RNF20: variants seen among roughly 807,000 people sequenced by gnomAD.
The protein encoded by RNF20 is E3 ubiquitin-protein ligase BRE1A.
RNF20 carries 84 observed loss-of-function variants against 126.2 expected under a neutral mutation model. The ratio of observed to expected loss-of-function variants is 0.67; its 90% CI spans 0.56 to 0.80. The LOEUF (loss-of-function observed/expected upper bound fraction) is 0.80. RNF20 is among the 30% of genes least tolerant of loss of function. RNF20 has a pLI of 0.00. For missense variants in RNF20, 869 were observed against 1,188.2 expected (o/e 0.73, Z 3.95); for synonymous variants, 400 against 414.3 (o/e 0.97, Z 0.42).
Position 101,562,570 on chromosome 9 carries a change from C to G in RNF20, c.*148C>G. 1 of 653,804 alleles carries G rather than the reference C, an allele frequency of 1.5e-6. No homozygotes were observed. Among genetic ancestry groups the G allele is most frequent in the Non-Finnish European group, 2.5e-6 (1 of 402,010 alleles). 40.5% of individuals were successfully genotyped at this position (653,804 alleles called of 1,614,324 possible). A position where few individuals can be genotyped will look rare whatever the true frequency, so the allele number is the denominator to read the frequency against. ...CCAGACTTTACTTCCAGGCTCTCCT[C>G]TTCAGTAGCTGGATGACTTTAGCAG... On this transcript the variant is annotated 3_prime_UTR_variant, in exon 20 of 20. Transcript: ENST00000389120.
At chr9:101,547,362 A>C in intron 8 of RNF20, 37 bp from the exon 9 acceptor site, 1 of 1,612,364 alleles carries the variant, frequency 6.2e-7, no homozygotes, top group South Asian at 1.1e-5. Flanking sequence ...TTTAAGAAGA[A>C]TACTTATTTA....
chr9:101,549,164 C>T (rs369302473), intron 9 of RNF20, among the ~76,000 whole-genome samples: 16 of 152,124 alleles, frequency 1.1e-4, no homozygotes, highest in African/African-American at 3.4e-4. Context: ...CACCAAGTTG[C>T]GGAGACCGGT....
At chr9:101,544,943 T>C (rs1827325563) in intron 6 of RNF20, 58 bp downstream of exon 6, 3 of 1,076,770 alleles carry the variant, frequency 2.8e-6, no homozygotes, top group East Asian at 4.7e-5. Flanking sequence ...GATGTTGACT[T>C]ACAATTCTGA....
intron 18 of RNF20, 117 bp downstream of exon 18, chr9:101,561,347 G>T (rs992630539): frequency 9.2e-7 from 1 of 1,084,652 alleles, no homozygotes; most frequent in Non-Finnish European, 1.3e-6. Context: ...ACTTGAGGAA[G>T]TTTGTTGAGG....
chr9:101,544,781 G>A lies in RNF20; in HGVS notation c.643G>A (p.Glu215Lys). The change falls in exon 6 of 20, where the codon GAG becomes AAG. Residue 215 changes from glutamate to lysine, a missense_variant. Glu to Lys is a moderately conservative substitution (Grantham distance 56). Around this residue, in one of 8 missense-constraint regions of RNF20, gnomAD observed 103 missense variants for 94.3 expected, o/e 1.09. Transcript: ENST00000389120. Reference sequence around the variant, plus strand: ...TTCTTCCCCAGATAATCTGATAGTGGAGGAAGCAGTGCAGGAGCTGAACTC... The same window carrying A: ...TTCTTCCCCAGATAATCTGATAGTGAAGGAAGCAGTGCAGGAGCTGAACTC... ...KLNSGDNLIV[E>K]EAVQELNSFL... The A allele has an allele frequency of 6.2e-7, 1 of 1,603,676 alleles. No homozygotes were observed.
At chr9:101,533,960 A>G (rs1827143987) in intron 1 of RNF20, 46 bp downstream of exon 1, 1 of 152,320 alleles carries the variant, frequency 6.6e-6, no homozygotes, top group African/African-American at 2.4e-5. Context: ...GCCAGTTCAA[A>G]GAACTTAGGT....
chr9:101,558,508 T>C (rs1392116498), intron 16 of RNF20, among the ~76,000 whole-genome samples: 3 of 152,174 alleles, frequency 2.0e-5, no homozygotes, highest in Non-Finnish European at 4.4e-5. Flanking sequence ...ATTGTACTAG[T>C]TTACATTCCC....
At chr9:101,555,216 A>G (rs933000367) in intron 15 of RNF20, among the ~76,000 whole-genome samples, 1 of 151,928 alleles carries the variant, frequency 6.6e-6, no homozygotes, top group Non-Finnish European at 1.5e-5. Context: ...TTACAAATAT[A>G]TGAAACTAAG....
In RNF20 at chr9:101,533,905, A is replaced by C. The variant is rs941178171; in HGVS notation, c.-36A>C. ...CAGGGGTGAGAGCTGGAATCTCTGC[A>C]CGGGCCTTGGTGAGTAACTGCTGCG... On this transcript the variant is annotated 5_prime_UTR_variant, in exon 1 of 20. Transcript: ENST00000389120. 1 of 152,272 alleles carries C rather than the reference A, an allele frequency of 6.6e-6. No homozygotes were observed. Among genetic ancestry groups the C allele is most frequent in the African/African-American group, 2.4e-5 (1 of 41,434 alleles). 9.4% of individuals were successfully genotyped at this position (152,272 alleles called of 1,614,324 possible).
intron 11 of RNF20, 26 bp downstream of exon 11, chr9:101,551,845 T>C (rs1321739951): frequency 1.9e-6 from 3 of 1,585,256 alleles, no homozygotes; most frequent in Non-Finnish European, 1.7e-6. Context: ...CTCCATGCTG[T>C]AGTTTGCTCT....
chr9:101,562,071 T>C, intron 19 of RNF20, 60 bp downstream of exon 19: 1 of 1,354,182 alleles, frequency 7.4e-7, no homozygotes, highest in Non-Finnish European at 1.0e-6. Context: ...CCTAATAGAC[T>C]GGGAGAATAA....
At chr9:101,560,768 C>A in intron 16 of RNF20, 33 bp from the exon 17 acceptor site, 1 of 1,571,318 alleles carries the variant, frequency 6.4e-7, no homozygotes, top group Non-Finnish European at 8.6e-7. Flanking sequence ...TTAATCTTTT[C>A]ATTTGTGTTA....
Position 101,544,778 on chromosome 9 carries a change from G to A in RNF20, c.640G>A (p.Val214Met). ...RKLNSGDNLI[V>M]EEAVQELNSF... ...TTCTTCTTCCCCAGATAATCTGATA[G>A]TGGAGGAAGCAGTGCAGGAGCTGAA... The change falls in exon 6 of 20, where the codon GTG (valine) becomes ATG (methionine). Residue 214 changes from valine to methionine, a missense_variant. Val to Met is a conservative substitution (Grantham distance 21). Around this residue, in one of 8 missense-constraint regions of RNF20, gnomAD observed 103 missense variants for 94.3 expected, o/e 1.09. Coordinates refer to ENST00000389120, the MANE Select transcript of RNF20 (RefSeq NM_019592.7). 6.3e-7 allele frequency: 1 copy of A among 1,599,926 alleles called. No homozygotes were observed.
At chr9:101,544,488 C>T (rs1827315173) in intron 5 of RNF20, among the ~76,000 whole-genome samples, 1 of 152,100 alleles carries the variant, frequency 6.6e-6, no homozygotes, top group African/African-American at 2.4e-5. Flanking sequence ...GGTGGATCAC[C>T]TGAGGTCAGG....
chr9:101,559,364 T>C (rs535086766), intron 16 of RNF20, among the ~76,000 whole-genome samples: 1 of 152,336 alleles, frequency 6.6e-6, no homozygotes, highest in Admixed American at 6.5e-5. Flanking sequence ...TGCTTAGTCT[T>C]GCTTTGGCTA....
intron 15 of RNF20, among the ~76,000 whole-genome samples, chr9:101,556,157 T>C (rs1827528256): frequency 6.6e-6 from 1 of 152,214 alleles, no homozygotes; most frequent in Admixed American, 6.5e-5. Context: ...TGTATTAATA[T>C]AATGTGATCT....
chr9:101,555,434 T>A (rs1420413435), intron 15 of RNF20, among the ~76,000 whole-genome samples: 2 of 152,080 alleles, frequency 1.3e-5, no homozygotes, highest in African/African-American at 2.4e-5. Flanking sequence ...ATAATGAATA[T>A]GTATGTATTT....
chr9:101,543,214 T>A (rs1407899847), intron 5 of RNF20, among the ~76,000 whole-genome samples: 6 of 152,390 alleles, frequency 3.9e-5, no homozygotes, highest in Middle Eastern at 6.8e-3. Context: ...AGTATAGGCC[T>A]TATAGAGTAA....
intron 5 of RNF20, 136 bp from the exon 6 acceptor site, chr9:101,544,631 C>G: frequency 1.7e-6 from 1 of 582,654 alleles, no homozygotes; most frequent in Admixed American, 2.8e-5. Flanking sequence ...GGCTCGAACC[C>G]TGGAGGCAGA....
Sources: gnomAD v4.1 joint callset for allele counts (sites outside exome capture counted in the v4.1 genomes callset) on GRCh38, gnomAD v4.1.1 for gene constraint, gnomAD v4.1.1 regional missense constraint, MANE v1.5 for transcripts, NCBI Gene and HGNC (gene_info 2026-07-23, HGNC 2026-07-21) for gene names.